MACROD2: variants seen among roughly 807,000 people sequenced by gnomAD.
The protein encoded by MACROD2 is mono-ADP ribosylhydrolase 2, also known as ADP-ribose glycohydrolase MACROD2.
A neutral mutation model predicts 70.4 loss-of-function variants in MACROD2; 36 were observed. The observed-to-expected ratio is 0.51, with a 90% CI of 0.39 to 0.68. The LOEUF is 0.68. Among genes scored for constraint, MACROD2 ranks in the 30% least tolerant of loss-of-function variants. The pLI is 0.00. For synonymous variants in MACROD2, 172 were observed against 178.8 expected, an observed-to-expected ratio of 0.96 and a Z score of 0.30; for missense variants, 496 against 538.4, an observed-to-expected ratio of 0.92 and a Z score of 0.78.
intron 5 of MACROD2, among the ~76,000 whole-genome samples, chr20:14,805,523 C>A (rs2072628263): frequency 1.3e-5 from 2 of 152,018 alleles, no homozygotes; most frequent in African/African-American, 4.8e-5. Context: ...ATCATACATG[C>A]TTAAAGCTGT....
intron 8 of MACROD2, among the ~76,000 whole-genome samples, chr20:15,700,513 C>G (rs1202346198): frequency 6.6e-6 from 1 of 152,170 alleles, no homozygotes; most frequent in Admixed American, 6.5e-5. Flanking sequence ...TCTTATTTTT[C>G]CCCCTGAATG....
chr20:15,960,846 T>C (rs1601221489), intron 12 of MACROD2, among the ~76,000 whole-genome samples: 1 of 152,052 alleles, frequency 6.6e-6, no homozygotes, highest in Non-Finnish European at 1.5e-5. Flanking sequence ...GGGAGGTGGG[T>C]GGGGCACGTT....
intron 2 of MACROD2, among the ~76,000 whole-genome samples, chr20:14,068,942 TTTTTG>T (rs746621758): frequency 2.5e-4 from 38 of 152,140 alleles, no homozygotes; most frequent in Non-Finnish European, 4.3e-4. Context: ...AAATGGCTTT[TTTTTG>T]TTTTGTTTTG....
intron 3 of MACROD2, among the ~76,000 whole-genome samples, chr20:14,151,370 T>C (rs2148711239): frequency 6.6e-6 from 1 of 152,254 alleles, no homozygotes. Context: ...TTTGTGTGTA[T>C]AGTATTTTGT....
intron 5 of MACROD2, among the ~76,000 whole-genome samples, chr20:14,891,730 A>G (rs918036502): frequency 1.3e-5 from 2 of 152,162 alleles, no homozygotes; most frequent in Admixed American, 6.6e-5. Flanking sequence ...TTAGGAAGAG[A>G]ATAGAGATGT....
At chr20:15,384,097 A>G (rs996376621) in intron 6 of MACROD2, among the ~76,000 whole-genome samples, 1 of 152,132 alleles carries the variant, frequency 6.6e-6, no homozygotes, top group Non-Finnish European at 1.5e-5. Context: ...TGGGAACTCT[A>G]TAACCTTCTT....
intron 6 of MACROD2, among the ~76,000 whole-genome samples, chr20:15,361,879 A>T (rs1485638269): frequency 6.6e-6 from 1 of 152,076 alleles, no homozygotes; most frequent in African/African-American, 2.4e-5. Context: ...TGCAGAATAA[A>T]ATTGATTTTT....
At chr20:15,299,697 A>G (rs1034382433) in intron 6 of MACROD2, among the ~76,000 whole-genome samples, 2 of 152,228 alleles carry the variant, frequency 1.3e-5, no homozygotes, top group African/African-American at 4.8e-5. Context: ...CTGATGCTTT[A>G]TGTATATTTC....
intron 5 of MACROD2, among the ~76,000 whole-genome samples, chr20:14,786,696 G>C (rs918371139): frequency 6.6e-6 from 1 of 152,054 alleles, no homozygotes; most frequent in Non-Finnish European, 1.5e-5. Flanking sequence ...CTGTGCACCA[G>C]TATCCATAGC....
rs567791753 is a variant in MACROD2, at chr20:14,227,384, C to A, written c.271+141656C>A. Among the ~76,000 whole-genome samples, 17 of 152,268 alleles carry A rather than the reference C, an allele frequency of 1.1e-4. No individual in the cohort carries two copies. The South Asian group carries it at 3.5e-3, about 32-fold the overall frequency. On this transcript the variant is annotated intron_variant, in intron 3 of 17. Coordinates refer to ENST00000684519, the MANE Select transcript of MACROD2 (RefSeq NM_001351661.2). ...CTGTTCTCTCTTTGGGTCCACGCTA[C>A]CTTTATGAGATGTAACACTCACCAC...
intron 5 of MACROD2, among the ~76,000 whole-genome samples, chr20:14,785,576 G>A (rs77514306): frequency 0.012 from 1,823 of 152,092 alleles, 59 homozygotes; most frequent in African/African-American, 0.041. Context: ...ACATACCCCC[G>A]CTCCTCTGAT....
intron 5 of MACROD2, among the ~76,000 whole-genome samples, chr20:14,830,234 A>G (rs1303427038): frequency 1.3e-5 from 2 of 152,240 alleles, no homozygotes; most frequent in East Asian, 1.9e-4. Context: ...TGAATTGGCC[A>G]TGCTGTGATT....
intron 5 of MACROD2, among the ~76,000 whole-genome samples, chr20:15,119,562 G>A (rs2076016037): frequency 6.6e-6 from 1 of 151,860 alleles, no homozygotes; most frequent in African/African-American, 2.4e-5. Context: ...ACATTACAGA[G>A]AAAAAAAGAA....
chr20:15,610,468 G>A (rs115906688), intron 8 of MACROD2, among the ~76,000 whole-genome samples: 245 of 152,256 alleles, frequency 1.6e-3, no homozygotes, highest in African/African-American at 5.6e-3. Flanking sequence ...CTCCGCCTTA[G>A]ACTTCACATG....
intron 3 of MACROD2, among the ~76,000 whole-genome samples, chr20:14,226,798 G>A (rs1441982367): frequency 2.0e-5 from 3 of 152,210 alleles, no homozygotes; most frequent in Non-Finnish European, 4.4e-5. Context: ...CACCCACTCC[G>A]TGGGCTCCTG....
chr20:14,251,759 G>A (rs535254235), intron 3 of MACROD2, among the ~76,000 whole-genome samples: 1 of 152,178 alleles, frequency 6.6e-6, no homozygotes, highest in South Asian at 2.1e-4. Flanking sequence ...GACATGATAG[G>A]AAGTAGAAAA....
At chr20:15,747,422 A>G (rs1230592297) in intron 8 of MACROD2, among the ~76,000 whole-genome samples, 1 of 152,168 alleles carries the variant, frequency 6.6e-6, no homozygotes, top group African/African-American at 2.4e-5. Flanking sequence ...AGGATCACAC[A>G]TAGGTTTTCA....
intron 2 of MACROD2, among the ~76,000 whole-genome samples, chr20:14,022,670 C>T (rs1229274903): frequency 2.0e-5 from 3 of 152,062 alleles, no homozygotes; most frequent in African/African-American, 4.8e-5. Flanking sequence ...TTTCAACTTC[C>T]ACTTATGAGT....
chr20:15,585,824 T>A (rs2048592035), intron 8 of MACROD2, among the ~76,000 whole-genome samples: 1 of 152,130 alleles, frequency 6.6e-6, no homozygotes, highest in Admixed American at 6.5e-5. Context: ...CTACTAGCCC[T>A]GAATTTGTAT....
Sources: gnomAD v4.1 joint callset for allele counts (sites outside exome capture counted in the v4.1 genomes callset) on GRCh38, gnomAD v4.1.1 for gene constraint, MANE v1.5 for transcripts, NCBI Gene and HGNC (gene_info 2026-07-23, HGNC 2026-07-21) for gene names.